PPP2R3C: variants seen among roughly 807,000 people sequenced by gnomAD.
The protein encoded by PPP2R3C is protein phosphatase 2 regulatory subunit B''gamma.
A neutral mutation model predicts 63.7 loss-of-function variants in PPP2R3C; 47 were observed. The ratio of observed to expected loss-of-function variants is 0.74; its 90% CI spans 0.58 to 0.94. The LOEUF is 0.94. PPP2R3C is among the 40% of genes least tolerant of loss of function. The pLI is 0.00. For missense variants in PPP2R3C, 421 were observed against 518.4 expected, an observed-to-expected ratio of 0.81 and a Z score of 1.82; for synonymous variants, 180 against 177.4, an observed-to-expected ratio of 1.01 and a Z score of -0.12.
chr14:35,111,235 C>CAAAAA (rs3058398), intron 2 of PPP2R3C, among the ~76,000 whole-genome samples: 18 of 89,768 alleles, frequency 2.0e-4, no homozygotes, highest in African/African-American at 5.5e-4. Flanking sequence ...CTCCATCTAC[C>CAAAAA]AAAAAAAAAA....
chr14:35,121,785 G>C (rs1325942892), intron 1 of PPP2R3C, 117 bp downstream of exon 1: 37 of 1,147,614 alleles, frequency 3.2e-5, no homozygotes, highest in Non-Finnish European at 1.3e-6. Context: ...TCCTTTGTCG[G>C]GAGGTTTCAC....
chr14:35,101,296 A>G (rs2046182464), intron 6 of PPP2R3C: 1 of 152,186 alleles, frequency 6.6e-6, no homozygotes, highest in Admixed American at 6.5e-5. Flanking sequence ...TTTTAATGAC[A>G]TAAATCTTTG....
At chr14:35,096,035 A>G (rs2045988772) in intron 9 of PPP2R3C, among the ~76,000 whole-genome samples, 1 of 152,106 alleles carries the variant, frequency 6.6e-6, no homozygotes, top group Non-Finnish European at 1.5e-5. Flanking sequence ...ATTGAAAAGG[A>G]AGTGTATAAC....
intron 12 of PPP2R3C, chr14:35,087,715 T>C (rs2045656240): frequency 8.7e-6 from 4 of 460,728 alleles, no homozygotes; most frequent in Non-Finnish European, 1.6e-5. Flanking sequence ...ACTGTCTTAA[T>C]TAAAATGAAT....
At chr14:35,113,128 AT>A (rs2046613135) in intron 2 of PPP2R3C, 1 of 152,408 alleles carries the variant, frequency 6.6e-6, no homozygotes, top group Non-Finnish European at 1.5e-5. Context: ...CTCTTCAAAT[AT>A]TTTACAGAGT....
At chr14:35,091,247 G>A (rs2045806527) in intron 10 of PPP2R3C, 40 bp from the exon 11 acceptor site, 1 of 1,516,182 alleles carries the variant, frequency 6.6e-7, no homozygotes, top group East Asian at 2.3e-5. Context: ...GGCCTTAGTT[G>A]AAATTAACTT....
chr14:35,115,868 C>T (rs2046695846), intron 2 of PPP2R3C, among the ~76,000 whole-genome samples: 1 of 152,070 alleles, frequency 6.6e-6, no homozygotes, highest in Admixed American at 6.5e-5. Context: ...GATCCACCAC[C>T]CACCTTGGCC....
chr14:35,094,481 TAA>T (rs76520532), intron 10 of PPP2R3C, among the ~76,000 whole-genome samples: 6 of 144,494 alleles, frequency 4.2e-5, no homozygotes, highest in Non-Finnish European at 9.1e-5. Context: ...AGCTTTTTTT[TAA>T]AAAAAAAAAA....
chr14:35,116,998 C>T (rs1457187836), intron 1 of PPP2R3C: 6 of 432,012 alleles, frequency 1.4e-5, no homozygotes, highest in South Asian at 5.0e-5. Context: ...TAGTCTCTTC[C>T]TCAAATTACC....
intron 6 of PPP2R3C, among the ~76,000 whole-genome samples, chr14:35,103,501 A>G (rs1435576981): frequency 6.6e-6 from 1 of 152,262 alleles, no homozygotes; most frequent in East Asian, 1.9e-4. Flanking sequence ...TTTTCTACAT[A>G]TAACTTGTCA....
intron 10 of PPP2R3C, among the ~76,000 whole-genome samples, chr14:35,091,989 G>C (rs1426931048): frequency 6.6e-6 from 1 of 152,158 alleles, no homozygotes; most frequent in Non-Finnish European, 1.5e-5. Flanking sequence ...CAAAGTGCTG[G>C]GATTATAGGC....
At chr14:35,106,858 G>C (rs973308092) in intron 6 of PPP2R3C, among the ~76,000 whole-genome samples, 1 of 142,714 alleles carries the variant, frequency 7.0e-6, no homozygotes, top group Non-Finnish European at 1.5e-5. Flanking sequence ...GTAGAGATAG[G>C]GTTTCTCCAT....
intron 1 of PPP2R3C, among the ~76,000 whole-genome samples, chr14:35,120,451 T>A (rs1034218514): frequency 1.0e-4 from 15 of 147,004 alleles, no homozygotes; most frequent in African/African-American, 3.8e-4. Flanking sequence ...TTCACCGTGT[T>A]AGCCAGGATG....
rs1184543189 is a variant in PPP2R3C at position 35,099,262 on chromosome 14, A to T, written c.696T>A (p.Pro232=). 6.3e-7 allele frequency: 1 copy of T among 1,582,682 alleles called. No individual in the cohort carries two copies. ...AVRKFFFFLD[P]LRTGKIKIQD... ...AAGATTTTCTTTTACCTGTTCTTAA[A>T]GGATCTAAAAAGAAGAAGAACTTCC... Residue 232 remains proline, a synonymous_variant, in exon 7 of 13, where the codon CCT becomes CCA. Coordinates refer to ENST00000261475, the MANE Select transcript of PPP2R3C (RefSeq NM_017917.4).
Position 35,107,366 on chromosome 14 carries a change from G to A in PPP2R3C, c.511C>T (p.His171Tyr), listed in dbSNP as rs754964547. 3 of 1,605,016 alleles carry A rather than the reference G, an allele frequency of 1.9e-6. No homozygotes were observed. The highest frequency in any genetic ancestry group is 2.6e-6 in the Non-Finnish European group (3 of 1,171,978). ...AAACTGAGTCCTATTCTTGTTTGAT[G>A]AAGCCAAACTGACAATAAACAAGAA... ...FNYVMRKVWL[H>Y]QTRIGLSLYD... Residue 171 changes from histidine to tyrosine, a missense_variant, in exon 6 of 13, where the codon CAT becomes TAT. Coordinates refer to ENST00000261475, the MANE Select transcript of PPP2R3C (RefSeq NM_017917.4).
rs934339263 is a variant in PPP2R3C at position 35,090,700 on chromosome 14, T to A, written c.1113+370A>T. Among the ~76,000 whole-genome samples the A allele has an allele frequency of 3.4e-4, 51 of 150,974 alleles. 1 individual carries two copies. The highest frequency in any genetic ancestry group is 3.3e-3 in the Admixed American group (50 of 15,084). On this transcript the variant is annotated intron_variant, in intron 11 of 12. Coordinates refer to ENST00000261475, the MANE Select transcript of PPP2R3C (RefSeq NM_017917.4). ...ATTTCCCTCTAGCCACTGCTTTTGC[T>A]GCATCTCACAATTTTTTTTTTTTTT...
chr14:35,119,849 C>CTTTT lies in PPP2R3C; in HGVS notation c.58+2049_58+2052dup, dbSNP rs71121267. ...TTAAATAGGAGCATGGACAGTTCAT[C>CTTTT]TTTTTTTTTTTTTTTTTTTGAGACG... On this transcript the variant is annotated intron_variant, in intron 1 of 12. Transcript: ENST00000261475. 2.3e-3 allele frequency among the ~76,000 whole-genome samples: 265 copies of CTTTT among 116,976 alleles called. 6 individuals carry two copies. The highest frequency in any genetic ancestry group is 7.0e-3 in the African/African-American group (207 of 29,608). The allele number at this position is 116,976 out of a possible 152,430, so 76.7% of individuals were successfully genotyped here. A position where few individuals can be genotyped will look rare whatever the true frequency, so the allele number is the denominator to read the frequency against.
At chr14:35,107,888 A>G (rs1056318073) in intron 5 of PPP2R3C, 4 of 437,938 alleles carry the variant, frequency 9.1e-6, no homozygotes, top group Middle Eastern at 5.9e-4. Context: ...TCAAATTACC[A>G]TACATTAAAA....
intron 2 of PPP2R3C, among the ~76,000 whole-genome samples, chr14:35,111,951 T>A (rs1248244499): frequency 3.9e-5 from 6 of 152,238 alleles, no homozygotes; most frequent in African/African-American, 1.2e-4. Flanking sequence ...GCTGTCTCCA[T>A]GTATATGAAA....
Sources: allele counts gnomAD v4.1 joint callset (sites outside exome capture counted in the v4.1 genomes callset), GRCh38; gene constraint gnomAD v4.1.1; transcripts MANE v1.5; gene names NCBI Gene and HGNC (gene_info 2026-07-23, HGNC 2026-07-21).